Variants in RBM19 observed in about 807,000 individuals in gnomAD.
RBM19 encodes the protein RNA binding motif protein 19.
Under a neutral mutation model 116.8 loss-of-function variants are expected in RBM19, and 94 were observed. The ratio of observed to expected loss-of-function variants is 0.80; its 90% CI spans 0.68 to 0.95. The LOEUF is 0.95. Ranked by LOEUF, RBM19 falls within the 40% of genes least tolerant of loss-of-function variation. RBM19 has a pLI of 0.00. For missense variants in RBM19, 1,161 were observed against 1,220.7 expected, an observed-to-expected ratio of 0.95 and a Z score of 0.73; for synonymous variants, 475 against 494.1, an observed-to-expected ratio of 0.96 and a Z score of 0.51.
chr12:113,848,644 C>A (rs1031289466), intron 22 of RBM19, among the ~76,000 whole-genome samples: 2 of 152,122 alleles, frequency 1.3e-5, no homozygotes, highest in African/African-American at 4.8e-5. Context: ...TTCCAGCCAT[C>A]ACAGAGGGAA....
intron 23 of RBM19, among the ~76,000 whole-genome samples, chr12:113,833,474 T>C (rs1383903882): frequency 6.6e-6 from 1 of 152,204 alleles, no homozygotes; most frequent in Admixed American, 6.5e-5. Context: ...GCACCTTGAA[T>C]ACAAGCTGGG....
chr12:113,843,102 G>A (rs937887465), intron 23 of RBM19, among the ~76,000 whole-genome samples: 4 of 152,188 alleles, frequency 2.6e-5, no homozygotes, highest in African/African-American at 7.2e-5. Flanking sequence ...CAGTCGTTTC[G>A]CCCTAAGCAA....
At chr12:113,941,450 T>C (rs763122705) in intron 14 of RBM19, among the ~76,000 whole-genome samples, 2 of 150,934 alleles carry the variant, frequency 1.3e-5, no homozygotes, top group African/African-American at 5.0e-5. Flanking sequence ...AGAGTGGCCA[T>C]GTGAATGAAA....
intron 15 of RBM19, among the ~76,000 whole-genome samples, chr12:113,938,161 CAGAG>C (rs910207719): frequency 6.6e-6 from 1 of 152,108 alleles, no homozygotes; most frequent in Non-Finnish European, 1.5e-5. Flanking sequence ...GTGGCTCACA[CAGAG>C]AGAGCTTTTG....
At position 113,940,091 on chromosome 12, in the gene RBM19, G is replaced by C; in HGVS notation, c.1807C>G (p.Leu603Val). 1 of 1,614,122 alleles carries C rather than the reference G, an allele frequency of 6.2e-7. No individual in the cohort carries two copies. The highest frequency in any genetic ancestry group is 8.5e-7 in the Non-Finnish European group (1 of 1,179,984). ...CCAAAATGGCCGAAGGTCTCCTGCA[G>C]CTGGGCCGCCAGGGTGCCTGCCGGG... ...NLPAGTLAAQ[L>V]QETFGHFGSL... Residue 603 changes from leucine (L) to valine (V), a missense_variant, in exon 15 of 24, where the codon CTG (leucine) becomes GTG (valine). Transcript: ENST00000261741.
At chr12:113,943,607 G>T (rs1359086556) in intron 13 of RBM19, among the ~76,000 whole-genome samples, 1 of 152,110 alleles carries the variant, frequency 6.6e-6, no homozygotes, top group East Asian at 1.9e-4. Flanking sequence ...ATCACCTGAG[G>T]TCAGGAGTTC....
At chr12:113,830,140 G>A (rs1478144289) in intron 23 of RBM19, among the ~76,000 whole-genome samples, 2 of 152,166 alleles carry the variant, frequency 1.3e-5, no homozygotes, top group Admixed American at 6.5e-5. Flanking sequence ...AGCCTGCCCC[G>A]CAGAGGGGGA....
Position 113,957,954 on chromosome 12 carries a change from G to T in RBM19, c.668C>A (p.Ser223Tyr), listed in dbSNP as rs995784630. 1.9e-6 allele frequency: 3 copies of T among 1,613,982 alleles called. No individual in the cohort carries two copies. Among genetic ancestry groups the T allele is most frequent in the Non-Finnish European group, 2.5e-6 (3 of 1,179,972 alleles). The change falls in exon 6 of 24, where the codon TCC becomes TAC. Residue 223 changes from serine to tyrosine, a missense_variant. Physicochemically the swap from Ser to Tyr is moderately radical, Grantham distance 144. Transcript: ENST00000261741. ...SKMVKAGSSSSSEEEESEDEA... is the reference protein window; with the variant it reads ...SKMVKAGSSSYSEEEESEDEA... ...ATCTTCACTTTCCTCTTCCTCCGAG[G>T]AAGAGGACGACCCAGCCTTCACCAT...
intron 23 of RBM19, among the ~76,000 whole-genome samples, chr12:113,837,757 G>A (rs1412770102): frequency 1.3e-5 from 2 of 152,250 alleles, no homozygotes; most frequent in African/African-American, 4.8e-5. Flanking sequence ...CCTTGGGCAA[G>A]TTACTTGCCC....
At chr12:113,906,082 G>A (rs3110449) in intron 21 of RBM19, among the ~76,000 whole-genome samples, 152,355 of 152,358 alleles carry the variant, frequency 1, 76,176 homozygotes, top group Middle Eastern at 1. Flanking sequence ...TACTAAAGCT[G>A]AGATATGCAT....
rs375001362 is a variant in RBM19, at chr12:113,958,032, G to A, written c.590C>T (p.Pro197Leu). The A allele has an allele frequency of 3.5e-5, 57 of 1,611,508 alleles. No individual in the cohort carries two copies. Among genetic ancestry groups the A allele is most frequent in the Non-Finnish European group, 4.8e-5 (56 of 1,178,872 alleles). The change falls in exon 6 of 24, where the codon CCA (proline) becomes CTA (leucine). Residue 197 changes from proline to leucine, a missense_variant. Pro to Leu is a moderately conservative substitution (Grantham distance 98, BLOSUM62 -3). Transcript: ENST00000261741. ...EDLEEEASLE[P>L]KAAVQKELSD... ...CAGCTCCTTCTGCACAGCTGCCTTTGGTTCGAGGCTTGCCTCTTCTGGAAA... is the reference window on the plus strand; with the variant it reads ...CAGCTCCTTCTGCACAGCTGCCTTTAGTTCGAGGCTTGCCTCTTCTGGAAA...
downstream of RBM19, among the ~76,000 whole-genome samples, chr12:113,819,397 C>T (rs190023933): frequency 6.4e-4 from 98 of 152,316 alleles, no homozygotes; most frequent in Middle Eastern, 0.014. Context: ...GGTTCTCTTT[C>T]CCGGCTCTCT....
chr12:113,894,195 G>A (rs1881159729), intron 21 of RBM19, among the ~76,000 whole-genome samples: 1 of 152,154 alleles, frequency 6.6e-6, no homozygotes, highest in Non-Finnish European at 1.5e-5. Context: ...CTCAGGGGGT[G>A]TGAGTCAAAG....
chr12:113,817,253 A>G (rs1187510441), downstream of RBM19: 1 of 152,276 alleles, frequency 6.6e-6, no homozygotes, highest in Non-Finnish European at 1.5e-5. Context: ...GCCTGCGTCC[A>G]CGCAGCAGGG....
chr12:113,818,495 G>A (rs1013599993), downstream of RBM19, among the ~76,000 whole-genome samples: 28 of 152,224 alleles, frequency 1.8e-4, no homozygotes, highest in African/African-American at 5.3e-4. Flanking sequence ...GCCTCTGGAC[G>A]TGGGCCCAGC....
At chr12:113,932,382 C>T (rs1191552617) in intron 16 of RBM19, among the ~76,000 whole-genome samples, 1 of 152,220 alleles carries the variant, frequency 6.6e-6, no homozygotes, top group African/African-American at 2.4e-5. Flanking sequence ...GCCCAGCAGG[C>T]CTTGCTGAGA....
At chr12:113,829,876 G>A (rs2135689470) in intron 23 of RBM19, among the ~76,000 whole-genome samples, 1 of 152,328 alleles carries the variant, frequency 6.6e-6, no homozygotes, top group South Asian at 2.1e-4. Flanking sequence ...CAGCAAAGGG[G>A]AAATCCAGCT....
At chr12:113,891,361 A>G (rs1880952542) in intron 21 of RBM19, among the ~76,000 whole-genome samples, 1 of 152,236 alleles carries the variant, frequency 6.6e-6, no homozygotes, top group Non-Finnish European at 1.5e-5. Context: ...AAAAGCACCA[A>G]TAAGCCCCAG....
At chr12:113,922,795 G>A (rs537577742) in intron 18 of RBM19, among the ~76,000 whole-genome samples, 40 of 152,266 alleles carry the variant, frequency 2.6e-4, no homozygotes, top group African/African-American at 9.6e-4. Flanking sequence ...TATCTCAGAT[G>A]TGACCTTATC....
Sources: allele counts gnomAD v4.1 joint callset (sites outside exome capture counted in the v4.1 genomes callset), GRCh38; gene constraint gnomAD v4.1.1; transcripts MANE v1.5; gene names NCBI Gene and HGNC (gene_info 2026-07-23, HGNC 2026-07-21).